The following RBFOX1 variants were observed in gnomAD, a reference collection of about 807,000 sequenced individuals.
RBFOX1 encodes the protein RNA binding fox-1 homolog 1, also known as RNA binding protein fox-1 homolog 1.
In RBFOX1, 8 loss-of-function variants were observed where a neutral mutation model predicts 57.7. The ratio of observed to expected loss-of-function variants is 0.14; its 90% CI spans 0.08 to 0.25. The LOEUF (loss-of-function observed/expected upper bound fraction) is 0.25, where lower values mean the gene tolerates loss of function less well. Ranked by LOEUF, RBFOX1 falls within the 10% of genes least tolerant of loss-of-function variation. The pLI, the probability that RBFOX1 is intolerant of heterozygous loss-of-function variation, is 1.00. For missense variants in RBFOX1, 611 were observed against 548.5 expected (o/e 1.11, Z -1.14); for synonymous variants, 326 against 222.4 (o/e 1.47, Z -4.15).
intron 3 of RBFOX1, among the ~76,000 whole-genome samples, chr16:6,894,157 C>T (rs904555068): frequency 1.1e-4 from 16 of 152,198 alleles, no homozygotes; most frequent in African/African-American, 3.9e-4. Flanking sequence ...ATAATTGCTA[C>T]CTATCTCTTG....
At chr16:7,025,761 C>A (rs775512396) in intron 3 of RBFOX1, among the ~76,000 whole-genome samples, 2 of 152,232 alleles carry the variant, frequency 1.3e-5, no homozygotes, top group South Asian at 2.1e-4. Flanking sequence ...CCCGGGGAAT[C>A]CTAGGTACTG....
chr16:5,448,170 C>G (rs975330967), intron 1 of RBFOX1, among the ~76,000 whole-genome samples: 1 of 152,170 alleles, frequency 6.6e-6, no homozygotes, highest in East Asian at 1.9e-4. Flanking sequence ...TTTGGAAATT[C>G]TGAGAGCTAA....
At chr16:7,438,171 A>C (rs1463442603) in intron 4 of RBFOX1, among the ~76,000 whole-genome samples, 1 of 152,190 alleles carries the variant, frequency 6.6e-6, no homozygotes, top group African/African-American at 2.4e-5. Context: ...TATAAGAAAA[A>C]TCAGAATGGT....
chr16:6,406,135 A>C (rs750250008), intron 2 of RBFOX1, among the ~76,000 whole-genome samples: 8 of 152,204 alleles, frequency 5.3e-5, no homozygotes, highest in Non-Finnish European at 8.8e-5. Context: ...GCTAAAGACC[A>C]TGTGTTTTAC....
chr16:7,371,731 C>CA (rs1187196760), intron 4 of RBFOX1, among the ~76,000 whole-genome samples: 1 of 151,990 alleles, frequency 6.6e-6, no homozygotes, highest in Non-Finnish European at 1.5e-5. Context: ...GCCTGGGCGA[C>CA]AAGAGCAAAA....
intron 3 of RBFOX1, among the ~76,000 whole-genome samples, chr16:5,688,017 A>G (rs966913274): frequency 6.6e-6 from 1 of 152,206 alleles, no homozygotes; most frequent in Non-Finnish European, 1.5e-5. Context: ...GGTAAAAAAT[A>G]TACTTTCAGA....
chr16:6,626,810 C>G (rs1479571493), intron 2 of RBFOX1, among the ~76,000 whole-genome samples: 1 of 151,986 alleles, frequency 6.6e-6, no homozygotes, highest in African/African-American at 2.4e-5. Context: ...GTATAGAATT[C>G]AGTTTATCAC....
chr16:7,062,194 C>T (rs1229782483), intron 4 of RBFOX1, among the ~76,000 whole-genome samples: 1 of 151,510 alleles, frequency 6.6e-6, no homozygotes, highest in Non-Finnish European at 1.5e-5. Flanking sequence ...TGGCGGGTGC[C>T]TGCAGTTCCA....
At chr16:7,203,799 T>C (rs550675116) in intron 4 of RBFOX1, among the ~76,000 whole-genome samples, 5 of 152,352 alleles carry the variant, frequency 3.3e-5, no homozygotes, top group African/African-American at 1.2e-4. Flanking sequence ...AAGGCAATCT[T>C]GTGCCTTCCC....
At chr16:7,615,521 G>C (rs2058298858) in intron 10 of RBFOX1, among the ~76,000 whole-genome samples, 1 of 152,094 alleles carries the variant, frequency 6.6e-6, no homozygotes, top group African/African-American at 2.4e-5. Context: ...AGTGGGTGCT[G>C]ACTCTGAAAG....
intron 2 of RBFOX1, among the ~76,000 whole-genome samples, chr16:5,491,879 A>G (rs2042843094): frequency 6.6e-6 from 1 of 152,228 alleles, no homozygotes; most frequent in Non-Finnish European, 1.5e-5. Context: ...AACAACAGAC[A>G]AACATACAAC....
chr16:7,498,245 G>T (rs2069353163), intron 4 of RBFOX1, among the ~76,000 whole-genome samples: 10 of 152,104 alleles, frequency 6.6e-5, no homozygotes, highest in Admixed American at 6.6e-4. Flanking sequence ...CACGTTTGGT[G>T]CCAAGGTGGT....
chr16:7,074,004 C>T lies in RBFOX1; in HGVS notation c.27+21906C>T, dbSNP rs74008709. Among the ~76,000 whole-genome samples the T allele has an allele frequency of 9.2e-3, 1,408 of 152,296 alleles. 25 individuals carry two copies. The highest frequency in any genetic ancestry group is 0.032 in the African/African-American group (1,330 of 41,580). ...TTATTTCATTGGAATATAGTCATTCCTATTTGTTTCCATTTTGCCTATGGC... is the reference window on the plus strand; with the variant it reads ...TTATTTCATTGGAATATAGTCATTCTTATTTGTTTCCATTTTGCCTATGGC... On this transcript the variant is annotated intron_variant, in intron 4 of 15. Transcript: ENST00000550418.
chr16:5,921,863 C>G (rs2058829643), intron 4 of RBFOX1, among the ~76,000 whole-genome samples: 1 of 151,878 alleles, frequency 6.6e-6, no homozygotes, highest in Non-Finnish European at 1.5e-5. Context: ...CTTTTAACAA[C>G]CAGATAGGCC....
intron 1 of RBFOX1, among the ~76,000 whole-genome samples, chr16:6,119,989 G>A (rs925989494): frequency 1.3e-5 from 2 of 152,142 alleles, no homozygotes; most frequent in African/African-American, 4.8e-5. Context: ...CTTTCTCTAT[G>A]TATAGATTTT....
chr16:5,790,875 T>TTTTTTTTTG (rs2054670245), intron 3 of RBFOX1, among the ~76,000 whole-genome samples: 1 of 64,276 alleles, frequency 1.6e-5, no homozygotes, highest in African/African-American at 8.3e-5. Flanking sequence ...TTTTTTTTTG[T>TTTTTTTTTG]TTTTTTTTTT....
chr16:6,561,802 G>A (rs770645036), intron 2 of RBFOX1, among the ~76,000 whole-genome samples: 3 of 152,180 alleles, frequency 2.0e-5, no homozygotes, highest in Non-Finnish European at 4.4e-5. Flanking sequence ...CTGAACATGT[G>A]TAGGGGCCAG....
intron 4 of RBFOX1, among the ~76,000 whole-genome samples, chr16:7,450,473 C>T (rs901137229): frequency 6.7e-6 from 1 of 149,816 alleles, no homozygotes; most frequent in Non-Finnish European, 1.5e-5. Context: ...AAATTCTATA[C>T]CACTGTGAAT....
chr16:5,695,353 T>C lies in RBFOX1; in HGVS notation c.318+96392T>C, dbSNP rs146226376. ...ATATTTTATAAGGAAAAGTTTTCTA[T>C]GAAAGAGCCACAGCAATAAGAGCAA... On this transcript the variant is annotated intron_variant, in intron 3 of 19. Coordinates refer to the RBFOX1 transcript ENST00000641259. Among the ~76,000 whole-genome samples the C allele has an allele frequency of 1.8e-3, 274 of 152,260 alleles. 1 individual carries two copies. The highest frequency in any genetic ancestry group is 3.2e-3 in the Non-Finnish European group (216 of 68,030).
Sources: allele counts gnomAD v4.1 joint callset (sites outside exome capture counted in the v4.1 genomes callset), GRCh38; gene constraint gnomAD v4.1.1; transcripts MANE v1.5; gene names NCBI Gene and HGNC (gene_info 2026-07-23, HGNC 2026-07-21).